TRRAP: variants seen among roughly 807,000 people sequenced by gnomAD.
The protein encoded by TRRAP is transformation/transcription domain associated protein.
In TRRAP, 41 loss-of-function variants were observed where a neutral mutation model predicts 438.8. The observed-to-expected ratio is 0.09, with a 90% CI of 0.07 to 0.12. The LOEUF is 0.12. TRRAP is among the 10% of genes least tolerant of loss of function. The pLI, the probability that TRRAP is intolerant of heterozygous loss-of-function variation, is 1.00. For missense variants in TRRAP, 3,122 were observed against 5,055.1 expected, an observed-to-expected ratio of 0.62 and a Z score of 11.60; for synonymous variants, 1,994 against 1,962.9, an observed-to-expected ratio of 1.02 and a Z score of -0.42.
At chr7:98,959,084 C>T (rs537658583) in intron 44 of TRRAP, among the ~76,000 whole-genome samples, 1 of 152,178 alleles carries the variant, frequency 6.6e-6, no homozygotes, top group South Asian at 2.1e-4. Flanking sequence ...CAGGGAGGTC[C>T]TGTGGGGAGC....
At position 99,005,795 on chromosome 7, in the gene TRRAP, T is replaced by G. The variant is rs912486595; in HGVS notation, c.10753+447T>G. On this transcript the variant is annotated intron_variant, in intron 69 of 72. Transcript: ENST00000456197. This position sits in a 1 kb window ranked among gnomAD's most constrained non-coding sequence, Gnocchi z 5.1. ...GAAGCCAAAAGATTGGACATCCCTG[T>G]TCTAAGGTCTTTTGCACTCTACGGA... Among the ~76,000 whole-genome samples, 2 of 152,074 alleles carry G rather than the reference T, an allele frequency of 1.3e-5. No individual in the cohort carries two copies. The highest frequency in any genetic ancestry group is 2.9e-5 in the Non-Finnish European group (2 of 68,018).
In TRRAP at chr7:98,994,505, C is replaced by T; in HGVS notation, c.10048-82C>T. On this transcript the variant is annotated intron_variant, in intron 66 of 72. Transcript: ENST00000456197. This position sits in a 1 kb window ranked among gnomAD's most constrained non-coding sequence, Gnocchi z 4.8. ...CAGAGATGACCCTGGGCTGGGAGGG[C>T]CGCACTCAATAGGCGCTTTTGGCTG... 2 of 1,577,938 alleles carry T rather than the reference C, an allele frequency of 1.3e-6. No individual in the cohort carries two copies. The highest frequency in any genetic ancestry group is 1.7e-6 in the Non-Finnish European group (2 of 1,159,926).
intron 45 of TRRAP, among the ~76,000 whole-genome samples, chr7:98,960,710 A>G (rs1166224165): frequency 9.9e-5 from 15 of 151,188 alleles, no homozygotes; most frequent in African/African-American, 2.2e-4. Context: ...TCATGCCTCA[A>G]CCTCCCAAGT....
At chr7:98,993,940 G>T (rs1202500151) in intron 66 of TRRAP, among the ~76,000 whole-genome samples, 1 of 152,218 alleles carries the variant, frequency 6.6e-6, no homozygotes, top group Non-Finnish European at 1.5e-5. Flanking sequence ...ATGAAAGAGG[G>T]TGGAATTGAG....
intron 33 of TRRAP, among the ~76,000 whole-genome samples, chr7:98,947,083 A>G (rs781939515): frequency 2.1e-4 from 32 of 152,240 alleles, no homozygotes; most frequent in Admixed American, 8.5e-4. Flanking sequence ...CCGTGCTATC[A>G]TCCCCTTCTT....
Position 98,959,413 on chromosome 7 carries a change from A to G in TRRAP, c.6412A>G (p.Lys2138Glu). 1 of 1,613,834 alleles carries G rather than the reference A, an allele frequency of 6.2e-7. No individual in the cohort carries two copies. The highest frequency in any genetic ancestry group is 1.3e-5 in the African/African-American group (1 of 74,910). ...CTCTCGCCGGTGTGTGAACCTTCTGAAGACTGCGTTGCGGCCAGACATGTG... is the reference window on the plus strand; with the variant it reads ...CTCTCGCCGGTGTGTGAACCTTCTGGAGACTGCGTTGCGGCCAGACATGTG... ...VLSRRCVNLL[K>E]TALRPDMWPK... Residue 2138 changes from lysine (K) to glutamate (E), a missense_variant, in exon 45 of 73, where the codon AAG (lysine) becomes GAG (glutamate). Physicochemically the swap from Lys to Glu is moderately conservative, Grantham distance 56. Around this residue, in one of 24 missense-constraint regions of TRRAP, gnomAD observed 992 missense variants for 1,281.2 expected, o/e 0.77. Transcript: ENST00000456197.
intron 67 of TRRAP, chr7:98,998,713 A>G: frequency 5.7e-6 from 1 of 176,230 alleles, no homozygotes; most frequent in Admixed American, 6.1e-5. Flanking sequence ...TCACTTCTCT[A>G]TGTGAATTCC....
At chr7:98,987,343 T>C (rs1337171258) in intron 62 of TRRAP, among the ~76,000 whole-genome samples, 1 of 152,232 alleles carries the variant, frequency 6.6e-6, no homozygotes, top group Non-Finnish European at 1.5e-5. Flanking sequence ...TTTTCCAGTT[T>C]GTGAACACGA....
intron 12 of TRRAP, among the ~76,000 whole-genome samples, chr7:98,904,781 T>G (rs1055721285): frequency 1.3e-5 from 2 of 152,212 alleles, no homozygotes; most frequent in African/African-American, 2.4e-5. Context: ...TAGTAGTTCC[T>G]GAGACTTAAA....
In TRRAP at chr7:98,958,107, G is replaced by T. The variant is rs782331658; in HGVS notation, c.6342+16G>T. 5 of 1,610,846 alleles carry T rather than the reference G, an allele frequency of 3.1e-6. No individual in the cohort carries two copies. The highest frequency in any genetic ancestry group is 4.2e-6 in the Non-Finnish European group (5 of 1,177,812). On this transcript the variant is annotated intron_variant, in intron 44 of 72. Transcript: ENST00000456197. ...GGCCTGTCAGGTACGGGATCCAAGT[G>T]CCCTGCGTTAGGGCTTCTGCAGACC... is the stretch of plus-strand genomic sequence containing the variant.
Position 99,008,433 on chromosome 7 carries a change from T to A in TRRAP, c.10810T>A (p.Ser3604Thr), listed in dbSNP as rs756030819. 3 of 1,613,576 alleles carry A rather than the reference T, an allele frequency of 1.9e-6. No homozygotes were observed. In the African/African-American group the frequency reaches 4.0e-5, roughly 22 times the overall value. ...GCGCCTCGTGGAGGACAACCCCTCT[T>A]CACTTTCCCTTGTGGAGATCTACAA... is the stretch of plus-strand genomic sequence containing the variant. The part of the protein sequence containing the change: ...QMRLVEDNPS[S>T]LSLVEIYKQR... Residue 3604 changes from serine (S) to threonine (T), a missense_variant, in exon 70 of 73, where the codon TCA becomes ACA. Transcript: ENST00000456197.
chr7:98,904,949 CAT>C (rs1295451538), intron 12 of TRRAP, among the ~76,000 whole-genome samples: 1 of 152,170 alleles, frequency 6.6e-6, no homozygotes, highest in Non-Finnish European at 1.5e-5. Context: ...AGTGGTAACT[CAT>C]TTTCACTCAT....
chr7:98,950,827 A>T, intron 38 of TRRAP, 49 bp from the exon 39 acceptor site: 1 of 1,471,802 alleles, frequency 6.8e-7, no homozygotes, highest in Non-Finnish European at 9.0e-7. Flanking sequence ...TTAAGAAACA[A>T]ACAGCATGGC....
rs61132070 is a variant in TRRAP, at chr7:98,997,483, C to CAAAAAAAAAAA, written c.10309+2654_10309+2664dup. Among the ~76,000 whole-genome samples the CAAAAAAAAAAA allele has an allele frequency of 4.5e-4, 19 of 42,618 alleles. 3 individuals carry two copies. The East Asian group carries it at 6.4e-3, about 14-fold the overall frequency. 28.0% of individuals were successfully genotyped at this position (42,618 alleles called of 152,430 possible). ...ATTATCACCCAAAACACTGCTGTTGCAAAAAAAAAAAAAAAAAAAAAAAAA... is the reference window on the plus strand; with the variant it reads ...ATTATCACCCAAAACACTGCTGTTGCAAAAAAAAAAAAAAAAAAAAAAAAAAAAAAAAAAAA... On this transcript the variant is annotated intron_variant, in intron 67 of 72. Transcript: ENST00000456197.
chr7:98,922,030 A>C, intron 21 of TRRAP, 77 bp downstream of exon 21: 3 of 1,581,326 alleles, frequency 1.9e-6, no homozygotes, highest in Non-Finnish European at 2.6e-6. Context: ...AATGTTAATT[A>C]GACCTGTGTC....
intron 17 of TRRAP, among the ~76,000 whole-genome samples, chr7:98,911,646 G>A (rs759198081): frequency 7.2e-5 from 11 of 152,012 alleles, no homozygotes; most frequent in Non-Finnish European, 1.6e-4. Context: ...CACACCTGTA[G>A]TCTTAGTTAC....
At chr7:98,927,135 G>A in intron 22 of TRRAP, 32 bp from the exon 23 acceptor site, 5 of 1,612,758 alleles carry the variant, frequency 3.1e-6, no homozygotes, top group Non-Finnish European at 4.2e-6. Context: ...GGAGTTGGGT[G>A]TCGTGACACC....
intron 49 of TRRAP, among the ~76,000 whole-genome samples, chr7:98,966,477 G>T (rs1202137665): frequency 6.6e-6 from 1 of 151,988 alleles, no homozygotes; most frequent in Non-Finnish European, 1.5e-5. Flanking sequence ...TTGAGGTCAG[G>T]AGTTTGAGAC....
intron 13 of TRRAP, 104 bp downstream of exon 13, chr7:98,906,359 T>G (rs1688033254): frequency 9.5e-6 from 7 of 733,938 alleles, no homozygotes; most frequent in Non-Finnish European, 1.1e-5. Context: ...TGTTGAGCCT[T>G]GACACACCTG....
Sources: allele counts gnomAD v4.1 joint callset (sites outside exome capture counted in the v4.1 genomes callset), GRCh38; gene constraint gnomAD v4.1.1; regional missense constraint gnomAD v4.1.1; non-coding constraint Gnocchi (gnomAD v3.1); transcripts MANE v1.5; gene names NCBI Gene and HGNC (gene_info 2026-07-23, HGNC 2026-07-21).